Variants in TRPM8 observed in about 807,000 individuals in gnomAD.
The protein encoded by TRPM8 is transient receptor potential cation channel subfamily M member 8, also known as TRPM8 cationic channel.
A neutral mutation model predicts 133.7 loss-of-function variants in TRPM8; 110 were observed. The observed-to-expected ratio is 0.82, with a 90% CI of 0.70 to 0.96. TRPM8 has a LOEUF of 0.96. TRPM8 is among the 40% of genes least tolerant of loss of function. The pLI, the probability that TRPM8 is intolerant of heterozygous loss-of-function variation, is 0.00. For missense variants in TRPM8, 1,291 were observed against 1,379.5 expected (o/e 0.94, Z 1.02); for synonymous variants, 535 against 532.3 (o/e 1.01, Z -0.07).
intron 24 of TRPM8, among the ~76,000 whole-genome samples, chr2:234,010,142 T>A (rs2125404804): frequency 6.6e-6 from 1 of 152,300 alleles, no homozygotes; most frequent in African/African-American, 2.4e-5. Flanking sequence ...GATTTGCCCC[T>A]CCTTCTTAGC....
At chr2:233,940,103 C>T (rs1434672888) in intron 5 of TRPM8, among the ~76,000 whole-genome samples, 2 of 133,374 alleles carry the variant, frequency 1.5e-5, no homozygotes, top group African/African-American at 2.8e-5. Context: ...CCTTGTCTTT[C>T]ATTACGTTTT....
chr2:233,972,598 T>C (rs1347261241), intron 17 of TRPM8, among the ~76,000 whole-genome samples: 2 of 152,176 alleles, frequency 1.3e-5, no homozygotes, highest in African/African-American at 4.8e-5. Flanking sequence ...GGGCTGCAGG[T>C]CCCGAGCCCT....
At chr2:233,928,524 C>T (rs1376246517) in intron 2 of TRPM8, among the ~76,000 whole-genome samples, 1 of 152,188 alleles carries the variant, frequency 6.6e-6, no homozygotes, top group Non-Finnish European at 1.5e-5. Flanking sequence ...CTTCCTTGAT[C>T]ATTGATTACA....
intron 25 of TRPM8, among the ~76,000 whole-genome samples, chr2:234,016,103 G>A (rs1319220466): frequency 3.3e-5 from 5 of 152,030 alleles, no homozygotes; most frequent in African/African-American, 1.2e-4. Context: ...CTATCAACTC[G>A]CCCTTTCTTT....
chr2:233,983,216 A>T lies in TRPM8; in HGVS notation c.2753A>T (p.Asp918Val). 6.2e-7 allele frequency: 1 copy of T among 1,614,122 alleles called. No homozygotes were observed. Among genetic ancestry groups the T allele is most frequent in the Non-Finnish European group, 8.5e-7 (1 of 1,180,012 alleles). ...YLAMFGQVPS[D>V]VDGTTYDFAH... ...GCCATGTTCGGCCAGGTGCCCAGTG[A>T]CGTGGATGGTAAGCCTGACTTGGCT... Residue 918 changes from aspartate to valine, a missense_variant, in exon 20 of 26, where the codon GAC becomes GTC. This residue lies in a region of TRPM8 where 328 missense variants were observed against 410.6 expected (regional missense o/e 0.80). Coordinates refer to ENST00000324695, the MANE Select transcript of TRPM8 (RefSeq NM_024080.5).
At chr2:233,927,979 T>TC (rs1691601295) in intron 2 of TRPM8, among the ~76,000 whole-genome samples, 5 of 139,974 alleles carry the variant, frequency 3.6e-5, no homozygotes, top group Non-Finnish European at 7.6e-5. Flanking sequence ...TTTCTTTCTT[T>TC]TTTTTTTTGA....
At chr2:233,921,610 G>A (rs973153724) in intron 1 of TRPM8, among the ~76,000 whole-genome samples, 1 of 151,732 alleles carries the variant, frequency 6.6e-6, no homozygotes, top group Non-Finnish European at 1.5e-5. Context: ...CAGAGGTGCC[G>A]AACAGAAACA....
chr2:233,930,683 A>T lies in TRPM8; in HGVS notation c.133A>T (p.Ile45Phe). ...SYSESDLVNF[I>F]QANFKKRECV... ...CTCTCCAAAGGACTTGGTGAATTTTATTCAAGCAAATTTTAAGAAACGAGA... is the reference window on the plus strand; with the variant it reads ...CTCTCCAAAGGACTTGGTGAATTTTTTTCAAGCAAATTTTAAGAAACGAGA... Residue 45 changes from isoleucine to phenylalanine, a missense_variant, in exon 3 of 26, where the codon ATT (isoleucine) becomes TTT (phenylalanine). By Grantham distance (21) the Ile-to-Phe change is conservative. This residue lies in a region of TRPM8 where 963 missense variants were observed against 968.9 expected (regional missense o/e 0.99). Coordinates refer to ENST00000324695, the MANE Select transcript of TRPM8 (RefSeq NM_024080.5). 1 of 1,608,906 alleles carries T rather than the reference A, an allele frequency of 6.2e-7. No homozygotes were observed. The highest frequency in any genetic ancestry group is 8.5e-7 in the Non-Finnish European group (1 of 1,176,154).
chr2:234,006,953 G>C lies in TRPM8; in HGVS notation c.3230+1G>C. 1.9e-6 allele frequency: 3 copies of C among 1,611,384 alleles called. No homozygotes were observed. The highest frequency in any genetic ancestry group is 2.5e-6 in the Non-Finnish European group (3 of 1,177,662). ...CAAAAGCCAACGACACCTCAGAGGA[G>C]TATGTCAGACATCCCTTTCTGCTTT... On this transcript the variant is annotated splice_donor_variant, in intron 23 of 25. Transcript: ENST00000324695. LOFTEE classifies it high-confidence loss of function.
intron 17 of TRPM8, among the ~76,000 whole-genome samples, chr2:233,979,799 A>G (rs953021135): frequency 1.3e-5 from 2 of 152,218 alleles, no homozygotes; most frequent in Non-Finnish European, 2.9e-5. Context: ...CAAATCTATG[A>G]TGACAACAAT....
chr2:233,953,266 A>G (rs1282414198), intron 9 of TRPM8, among the ~76,000 whole-genome samples: 1 of 152,090 alleles, frequency 6.6e-6, no homozygotes, highest in Non-Finnish European at 1.5e-5. Context: ...TTATTTCCAA[A>G]CGTTGCCAGG....
At chr2:233,974,984 AT>A (rs532387161) in intron 17 of TRPM8, among the ~76,000 whole-genome samples, 2 of 151,890 alleles carry the variant, frequency 1.3e-5, no homozygotes, top group African/African-American at 4.8e-5. Context: ...AACTTACTGA[AT>A]TTTTTTTGAC....
intron 12 of TRPM8, among the ~76,000 whole-genome samples, 166 bp downstream of exon 12, chr2:233,961,232 T>C (rs1313702032): frequency 6.6e-6 from 1 of 152,208 alleles, no homozygotes; most frequent in Non-Finnish European, 1.5e-5. Context: ...TGTCTGTCTA[T>C]AGGGTGAGTC....
At chr2:234,000,374 G>A (rs1055820422) in intron 22 of TRPM8, among the ~76,000 whole-genome samples, 1 of 152,160 alleles carries the variant, frequency 6.6e-6, no homozygotes, top group Admixed American at 6.5e-5. Flanking sequence ...CTCCCAAAGT[G>A]CTGGGATTAC....
rs202222151 is a variant in TRPM8 at position 233,938,991 on chromosome 2, C to A, written c.349-7C>A. ...CTATCCTGATACTTCTGCTTCTCTCCCCATAGTATATACGTCTGTCCTGCG... is the reference window on the plus strand; with the variant it reads ...CTATCCTGATACTTCTGCTTCTCTCACCATAGTATATACGTCTGTCCTGCG... On this transcript the variant is annotated splice_polypyrimidine_tract_variant and splice_region_variant and intron_variant, in intron 4 of 25. Coordinates refer to ENST00000324695, the MANE Select transcript of TRPM8 (RefSeq NM_024080.5). 6.2e-7 allele frequency: 1 copy of A among 1,614,098 alleles called. No individual in the cohort carries two copies. The highest frequency in any genetic ancestry group is 8.5e-7 in the Non-Finnish European group (1 of 1,179,992).
chr2:233,966,359 T>C (rs1553661081), intron 14 of TRPM8, among the ~76,000 whole-genome samples: 1 of 152,142 alleles, frequency 6.6e-6, no homozygotes, highest in Non-Finnish European at 1.5e-5. Flanking sequence ...CTCTGTCCAA[T>C]GCAGCTCAAT....
chr2:233,991,541 A>G (rs947388782), intron 21 of TRPM8, among the ~76,000 whole-genome samples: 5 of 152,242 alleles, frequency 3.3e-5, no homozygotes, highest in Non-Finnish European at 7.3e-5. Flanking sequence ...AGGAAAATCC[A>G]TGAAATCTAC....
At position 233,955,182 on chromosome 2, in the gene TRPM8, C is replaced by T; in HGVS notation, c.1294C>T (p.Leu432Phe). ...DKDNWNGQLK[L>F]LLEWNQLDLA... ...GGATAACTGGAATGGGCAGCTGAAG[C>T]TTCTGCTGGAGTGGAACCAGCTGGA... Residue 432 changes from leucine to phenylalanine, a missense_variant, in exon 11 of 26, where the codon CTT becomes TTT. Leu to Phe is a conservative substitution (Grantham distance 22). Coordinates refer to ENST00000324695, the MANE Select transcript of TRPM8 (RefSeq NM_024080.5). 2 of 1,614,190 alleles carry T rather than the reference C, an allele frequency of 1.2e-6. No homozygotes were observed. Among genetic ancestry groups the T allele is most frequent in the Non-Finnish European group, 1.7e-6 (2 of 1,180,030 alleles).
intron 8 of TRPM8, among the ~76,000 whole-genome samples, chr2:233,948,059 G>A (rs1020401126): frequency 2.0e-5 from 3 of 152,062 alleles, no homozygotes; most frequent in Admixed American, 6.6e-5. Flanking sequence ...ATGAATTTCC[G>A]CAATGATTTG....
Sources: allele counts gnomAD v4.1 joint callset (sites outside exome capture counted in the v4.1 genomes callset), GRCh38; gene constraint gnomAD v4.1.1; regional missense constraint gnomAD v4.1.1; transcripts MANE v1.5; gene names NCBI Gene and HGNC (gene_info 2026-07-23, HGNC 2026-07-21).